Variants in ARG2 observed in about 807,000 individuals in gnomAD.
ARG2 encodes arginase 2, also known as arginase-2, mitochondrial.
Under a neutral mutation model 39.4 loss-of-function variants are expected in ARG2, and 21 were observed. That is an observed-to-expected ratio of 0.53 (90% CI 0.38 to 0.77). The LOEUF (loss-of-function observed/expected upper bound fraction) is 0.77. Ranked by LOEUF, ARG2 falls within the 30% of genes least tolerant of loss-of-function variation. ARG2 has a pLI of 0.00. For missense variants in ARG2, 378 were observed against 426.2 expected (o/e 0.89, Z 1.00); for synonymous variants, 150 against 156.7 (o/e 0.96, Z 0.32).
At chr14:67,627,076 G>C (rs1398894480) in intron 2 of ARG2, among the ~76,000 whole-genome samples, 1 of 152,114 alleles carries the variant, frequency 6.6e-6, no homozygotes, top group East Asian at 1.9e-4. Context: ...GACTGCTAAA[G>C]GGCATGGGTT....
chr14:67,648,396 GTAA>G (rs2140785800), intron 7 of ARG2: 2 of 408,374 alleles, frequency 4.9e-6, no homozygotes, highest in Non-Finnish European at 8.6e-6. Context: ...TTACACTAAG[GTAA>G]TAATGAGTAA....
At position 67,647,148 on chromosome 14, in the gene ARG2, AG is replaced by A. The variant is rs1049524273; in HGVS notation, c.722+124del. ...CAAAAACATACACATAATTTTAAAT[AG>A]TTCAGAAAGGCAAAATTTGAAACAC... On this transcript the variant is annotated intron_variant, in intron 6 of 7. Coordinates refer to ENST00000261783, the MANE Select transcript of ARG2 (RefSeq NM_001172.4). 46 of 664,962 alleles carry A rather than the reference AG, an allele frequency of 6.9e-5. No individual in the cohort carries two copies. The African/African-American group carries it at 7.3e-4, about 11-fold the overall frequency. 41.2% of individuals were successfully genotyped at this position (664,962 alleles called of 1,614,324 possible).
intron 2 of ARG2, among the ~76,000 whole-genome samples, chr14:67,636,323 C>CT (rs140660855): frequency 6.6e-6 from 1 of 152,194 alleles, no homozygotes; most frequent in African/African-American, 2.4e-5. Context: ...CATATATGAG[C>CT]TCTAACCAAA....
In ARG2 at chr14:67,640,827, T is replaced by C. The variant is rs1414948478; in HGVS notation, c.185-1359T>C. ...GAATATAGCACTAGTTCTTAAAGTG[T>C]TGGACTCATGAGGAATTCCTTAGGA... is the stretch of plus-strand genomic sequence containing the variant. On this transcript the variant is annotated intron_variant, in intron 2 of 7. Coordinates refer to ENST00000261783, the MANE Select transcript of ARG2 (RefSeq NM_001172.4). Among the ~76,000 whole-genome samples the C allele has an allele frequency of 3.3e-5, 5 of 152,194 alleles. No homozygotes were observed. The South Asian group carries it at 8.3e-4, about 25-fold the overall frequency.
At chr14:67,650,445 G>A (rs1445942544) in intron 7 of ARG2, 3 of 437,728 alleles carry the variant, frequency 6.9e-6, no homozygotes, top group East Asian at 8.1e-5. Flanking sequence ...CAGAACGCCT[G>A]ACAATTATGC....
intron 2 of ARG2, among the ~76,000 whole-genome samples, chr14:67,639,438 T>A (rs1223192944): frequency 6.6e-6 from 1 of 152,134 alleles, no homozygotes; most frequent in Admixed American, 6.5e-5. Context: ...TTCCTTAGAG[T>A]GCAATTACCA....
At chr14:67,621,793 A>G (rs2036813097) in intron 2 of ARG2, among the ~76,000 whole-genome samples, 1 of 151,522 alleles carries the variant, frequency 6.6e-6, no homozygotes, top group South Asian at 2.1e-4. Flanking sequence ...TAGTAACAGC[A>G]CCAAATTTGA....
intron 2 of ARG2, among the ~76,000 whole-genome samples, chr14:67,638,985 G>A (rs1352450508): frequency 6.6e-6 from 1 of 152,236 alleles, no homozygotes; most frequent in Non-Finnish European, 1.5e-5. Flanking sequence ...GTTGGACAAT[G>A]TGGACAGAAT....
At chr14:67,636,974 C>G (rs938056199) in intron 2 of ARG2, among the ~76,000 whole-genome samples, 2 of 152,200 alleles carry the variant, frequency 1.3e-5, no homozygotes, top group African/African-American at 4.8e-5. Context: ...AAAGTTCCCA[C>G]AGGCATAACA....
chr14:67,645,736 T>A lies in ARG2; in HGVS notation c.456T>A (p.Leu152=). 6.2e-7 allele frequency: 1 copy of A among 1,614,088 alleles called. No individual in the cohort carries two copies. The highest frequency in any genetic ancestry group is 8.5e-7 in the Non-Finnish European group (1 of 1,179,970). Residue 152 remains leucine, a synonymous_variant, in exon 4 of 8, where the codon CTT becomes CTA. Transcript: ENST00000261783. ...CCCATGCTGACATCAACACACCCCTTACCACTTCATCAGGAAATCTCCATG... is the reference window on the plus strand; with the variant it reads ...CCCATGCTGACATCAACACACCCCTAACCACTTCATCAGGAAATCTCCATG... The part of the protein sequence containing the change: ...VDAHADINTP[L]TTSSGNLHGQ...
In ARG2 at chr14:67,645,754, TCTC is replaced by T; in HGVS notation, c.476_478del (p.Leu159del). The T allele has an allele frequency of 1.2e-6, 2 of 1,613,934 alleles. No homozygotes were observed. On this transcript the variant is annotated inframe_deletion, in exon 4 of 8. Coordinates refer to ENST00000261783, the MANE Select transcript of ARG2 (RefSeq NM_001172.4). ...CACCCCTTACCACTTCATCAGGAAA[TCTC>T]CATGGACAGCCAGTTTCATTTCTCC...
intron 2 of ARG2, among the ~76,000 whole-genome samples, chr14:67,635,221 G>A (rs1455777979): frequency 6.6e-6 from 1 of 152,176 alleles, no homozygotes; most frequent in African/African-American, 2.4e-5. Flanking sequence ...TCCAGCCTGA[G>A]TGACAGAGTA....
chr14:67,641,290 T>TATA (rs1201308525), intron 2 of ARG2, among the ~76,000 whole-genome samples: 1 of 152,204 alleles, frequency 6.6e-6, no homozygotes, highest in African/African-American at 2.4e-5. Context: ...TCTCAATATA[T>TATA]ATATAATGCA....
intron 7 of ARG2, chr14:67,648,931 T>TA (rs1490026222): frequency 6.6e-6 from 1 of 152,212 alleles, no homozygotes; most frequent in African/African-American, 2.4e-5. Context: ...GGTTCAGGGC[T>TA]ATAGAGAACC....
chr14:67,642,177 T>G lies in ARG2; in HGVS notation c.185-9T>G, dbSNP rs1475977996. The G allele has an allele frequency of 6.2e-7, 1 of 1,612,580 alleles. No homozygotes were observed. The highest frequency in any genetic ancestry group is 2.2e-5 in the East Asian group (1 of 44,844). ...AAAATTCATCTTGTCATCCCTCATT[T>G]GCTTCCAGGCTGCCACCTAAAAGAC... is the stretch of plus-strand genomic sequence containing the variant. On this transcript the variant is annotated splice_polypyrimidine_tract_variant and intron_variant, in intron 2 of 7. Transcript: ENST00000261783.
At position 67,651,346 on chromosome 14, in the gene ARG2, G is replaced by C. The variant is rs759327698; in HGVS notation, c.*426G>C. 3 of 1,612,242 alleles carry C rather than the reference G, an allele frequency of 1.9e-6. No individual in the cohort carries two copies. The highest frequency in any genetic ancestry group is 2.5e-6 in the Non-Finnish European group (3 of 1,178,944). ...CATCCCTAACATCATGCATTCACAA[G>C]GTCAAAGTTCTGGTCCACAAACCCT... On this transcript the variant is annotated 3_prime_UTR_variant, in exon 8 of 8. Transcript: ENST00000261783.
At chr14:67,638,261 C>T (rs534518463) in intron 2 of ARG2, among the ~76,000 whole-genome samples, 2 of 152,126 alleles carry the variant, frequency 1.3e-5, no homozygotes, top group Admixed American at 6.5e-5. Flanking sequence ...TGGTGGCTCA[C>T]ATCTGTAATC....
intron 4 of ARG2, 43 bp downstream of exon 4, chr14:67,645,845 G>T: frequency 6.2e-7 from 1 of 1,604,732 alleles, no homozygotes; most frequent in African/African-American, 1.3e-5. Context: ...GGCTTGCAGG[G>T]TTTTGCTGGA....
intron 2 of ARG2, among the ~76,000 whole-genome samples, chr14:67,638,011 A>G (rs980602487): frequency 9.2e-5 from 14 of 152,186 alleles, no homozygotes; most frequent in Non-Finnish European, 1.5e-4. Flanking sequence ...GGAGACCTAG[A>G]CTTAGCCACA....
Sources: allele counts gnomAD v4.1 joint callset (sites outside exome capture counted in the v4.1 genomes callset), GRCh38; gene constraint gnomAD v4.1.1; transcripts MANE v1.5; gene names NCBI Gene and HGNC (gene_info 2026-07-23, HGNC 2026-07-21).